The following PGCKA1 variants were observed in gnomAD, a reference collection of about 807,000 sequenced individuals.
PGCKA1 encodes PDCD10 and GCKIII kinases associated 1.
At chr4:37,503,513 T>A in the PGCKA1 span, among the ~76,000 whole-genome samples, 1 of 152,192 alleles carries the variant, frequency 6.6e-6, no homozygotes, top group South Asian at 2.1e-4. Context: ...ACACCACCTA[T>A]TTTTAGTTTG....
At chr4:37,579,568 C>T in the PGCKA1 span, among the ~76,000 whole-genome samples, 1 of 152,216 alleles carries the variant, frequency 6.6e-6, no homozygotes, top group Non-Finnish European at 1.5e-5. Context: ...TCCTTCAGCA[C>T]TTTAAATATG....
the PGCKA1 span, among the ~76,000 whole-genome samples, chr4:37,554,431 C>A: frequency 2.6e-5 from 4 of 152,028 alleles, no homozygotes; most frequent in Non-Finnish European, 5.9e-5. Flanking sequence ...CTCGCTGCAC[C>A]CTCCGCCTCC....
chr4:37,460,681 G>A, the PGCKA1 span: 9 of 408,186 alleles, frequency 2.2e-5, no homozygotes, highest in East Asian at 2.3e-4. Flanking sequence ...TGATGGAGTT[G>A]TTTGGTCTTT....
the PGCKA1 span, among the ~76,000 whole-genome samples, chr4:37,565,837 T>G: frequency 1.3e-5 from 2 of 152,154 alleles, no homozygotes; most frequent in South Asian, 2.1e-4. Flanking sequence ...TTTGAGTCAG[T>G]GGGCTGGGGA....
chr4:37,565,400 C>T, the PGCKA1 span, among the ~76,000 whole-genome samples: 1 of 152,162 alleles, frequency 6.6e-6, no homozygotes, highest in South Asian at 2.1e-4. Context: ...TGGCTCACAA[C>T]ACGGGCAGCC....
the PGCKA1 span, among the ~76,000 whole-genome samples, chr4:37,470,825 G>GT: frequency 7.2e-5 from 11 of 152,016 alleles, no homozygotes; most frequent in Admixed American, 6.6e-5. Context: ...TACCTAAGAA[G>GT]TTTTTTTTGA....
the PGCKA1 span, among the ~76,000 whole-genome samples, chr4:37,514,419 G>T: frequency 6.6e-6 from 1 of 152,028 alleles, no homozygotes; most frequent in Admixed American, 6.5e-5. Flanking sequence ...ATTTTAAGAT[G>T]ATATATCTTA....
At chr4:37,484,100 C>T in the PGCKA1 span, among the ~76,000 whole-genome samples, 3 of 152,138 alleles carry the variant, frequency 2.0e-5, no homozygotes, top group Non-Finnish European at 2.9e-5. Flanking sequence ...TCTGTGTCTG[C>T]CCGAAATTTA....
At chr4:37,545,970 A>G in the PGCKA1 span, among the ~76,000 whole-genome samples, 2 of 152,222 alleles carry the variant, frequency 1.3e-5, no homozygotes, top group Non-Finnish European at 2.9e-5. Flanking sequence ...AGAAATAAAG[A>G]TAATGAGACC....
At chr4:37,487,740 C>A in the PGCKA1 span, among the ~76,000 whole-genome samples, 218 of 152,300 alleles carry the variant, frequency 1.4e-3, 3 homozygotes, top group Non-Finnish European at 1.6e-3. Context: ...ATTCATGAAT[C>A]ATACATTTAT....
At chr4:37,568,889 A>G in the PGCKA1 span, among the ~76,000 whole-genome samples, 1 of 152,202 alleles carries the variant, frequency 6.6e-6, no homozygotes, top group African/African-American at 2.4e-5. Context: ...GACTCAAGAG[A>G]TTACAGCCTG....
chr4:37,593,055 G>A, the PGCKA1 span, among the ~76,000 whole-genome samples: 1 of 152,180 alleles, frequency 6.6e-6, no homozygotes, highest in Non-Finnish European at 1.5e-5. Context: ...CATCGCAAGT[G>A]ACCTCTATAT....
At chr4:37,469,866 T>G in the PGCKA1 span, among the ~76,000 whole-genome samples, 1 of 152,182 alleles carries the variant, frequency 6.6e-6, no homozygotes, top group African/African-American at 2.4e-5. Flanking sequence ...ACTTGACCCT[T>G]CCATATCTGC....
At chr4:37,532,147 G>A in the PGCKA1 span, among the ~76,000 whole-genome samples, 8 of 152,216 alleles carry the variant, frequency 5.3e-5, no homozygotes, top group East Asian at 1.5e-3. Context: ...ATCAATGCTT[G>A]ATTTATCATT....
the PGCKA1 span, among the ~76,000 whole-genome samples, chr4:37,565,723 A>G: frequency 6.6e-6 from 1 of 152,186 alleles, no homozygotes; most frequent in Admixed American, 6.5e-5. Flanking sequence ...TAAAGGTGAC[A>G]GTAACTGTGA....
the PGCKA1 span, among the ~76,000 whole-genome samples, chr4:37,462,414 G>A: frequency 6.6e-6 from 1 of 152,282 alleles, no homozygotes; most frequent in Admixed American, 6.5e-5. Flanking sequence ...GGTCTTTGGA[G>A]GAGATTATCA....
chr4:37,545,539 T>C, the PGCKA1 span, among the ~76,000 whole-genome samples: 2 of 152,286 alleles, frequency 1.3e-5, no homozygotes, highest in East Asian at 3.8e-4. Context: ...TTAAGGATTC[T>C]ACCATCTAAA....
the PGCKA1 span, among the ~76,000 whole-genome samples, chr4:37,470,043 T>C: frequency 2.2e-4 from 34 of 152,330 alleles, no homozygotes; most frequent in Middle Eastern, 3.4e-3. Flanking sequence ...TAAATTATTA[T>C]TCACTCAACA....
At chr4:37,467,577 T>C in the PGCKA1 span, among the ~76,000 whole-genome samples, 1 of 152,224 alleles carries the variant, frequency 6.6e-6, no homozygotes, top group African/African-American at 2.4e-5. Context: ...ATGAGGAAAC[T>C]GAGGTCTAGA....
Sources: allele counts gnomAD v4.1 joint callset (sites outside exome capture counted in the v4.1 genomes callset), GRCh38; gene constraint gnomAD v4.1.1; transcripts MANE v1.5; gene names NCBI Gene and HGNC (gene_info 2026-07-23, HGNC 2026-07-21).